The following SV2C variants were observed in gnomAD, a reference collection of about 807,000 sequenced individuals.
SV2C encodes synaptic vesicle glycoprotein 2C.
A neutral mutation model predicts 79.7 loss-of-function variants in SV2C; 49 were observed. The observed-to-expected ratio is 0.61, with a 90% confidence interval of 0.49 to 0.78. The LOEUF (loss-of-function observed/expected upper bound fraction) is 0.78. Among genes scored for constraint, SV2C ranks in the 30% least tolerant of loss-of-function variants. The probability of loss-of-function intolerance (pLI) is 0.00; values close to 1 mark genes in which losing one functional copy is unlikely to be tolerated. For synonymous variants in SV2C, 334 were observed against 333.2 expected, an observed-to-expected ratio of 1.00 and a Z score of -0.03; for missense variants, 833 against 912.9, an observed-to-expected ratio of 0.91 and a Z score of 1.13.
intron 2 of SV2C, among the ~76,000 whole-genome samples, chr5:76,183,842 T>C (rs1326981238): frequency 6.6e-6 from 1 of 152,238 alleles, no homozygotes; most frequent in East Asian, 1.9e-4. Flanking sequence ...TCATTCATTA[T>C]TCAAAACCCA....
chr5:75,958,058 G>A, the SV2C span, among the ~76,000 whole-genome samples: 1 of 151,962 alleles, frequency 6.6e-6, no homozygotes, highest in Admixed American at 6.6e-5. Flanking sequence ...AGCCCGTGGT[G>A]CTACAGGTAA....
In SV2C at chr5:76,291,845, C is replaced by G. The variant is rs760733960; in HGVS notation, c.1326C>G (p.Thr442=). ...NTIKLTIVWF[T]LSFGYYGLSV... Reference sequence around the variant, plus strand: ...TAAAGCTTACAATTGTTTGGTTCACCCTGTCCTTTGGGTAAGTGATATTTA... The same window carrying G: ...TAAAGCTTACAATTGTTTGGTTCACGCTGTCCTTTGGGTAAGTGATATTTA... Residue 442 remains threonine (T), a synonymous_variant, in exon 8 of 13, where the codon ACC becomes ACG. Transcript: ENST00000502798. 2 of 1,607,206 alleles carry G rather than the reference C, an allele frequency of 1.2e-6. No individual in the cohort carries two copies. Among genetic ancestry groups the G allele is most frequent in the Non-Finnish European group, 1.7e-6 (2 of 1,175,820 alleles).
chr5:75,952,464 C>A, the SV2C span, among the ~76,000 whole-genome samples: 3 of 151,796 alleles, frequency 2.0e-5, no homozygotes, highest in Non-Finnish European at 2.9e-5. Flanking sequence ...CCCTCCAAAT[C>A]TCAGGTTGAA....
intron 1 of SV2C, among the ~76,000 whole-genome samples, chr5:76,121,781 A>G (rs922988216): frequency 1.3e-5 from 2 of 151,686 alleles, no homozygotes; most frequent in Non-Finnish European, 1.5e-5. Context: ...GCCTTGTAGT[A>G]TAGTTTGAAG....
the SV2C span, among the ~76,000 whole-genome samples, chr5:75,906,144 C>A: frequency 6.6e-6 from 1 of 151,984 alleles, no homozygotes; most frequent in Admixed American, 6.6e-5. Flanking sequence ...ATGACAGTAA[C>A]AAGCCTCAGT....
chr5:76,168,888 T>C (rs116656806), intron 2 of SV2C, among the ~76,000 whole-genome samples: 2 of 152,322 alleles, frequency 1.3e-5, no homozygotes, highest in Non-Finnish European at 2.9e-5. Context: ...CTGTAGACAC[T>C]ATTGCTTACT....
intron 2 of SV2C, among the ~76,000 whole-genome samples, chr5:76,182,766 G>A (rs1279949295): frequency 6.6e-6 from 1 of 152,100 alleles, no homozygotes; most frequent in Non-Finnish European, 1.5e-5. Context: ...CCTGAGACTG[G>A]GTAATTTATA....
the SV2C span, among the ~76,000 whole-genome samples, chr5:75,984,567 A>ATCTGTC: frequency 8.6e-4 from 89 of 102,914 alleles, 1 homozygote; most frequent in Admixed American, 3.3e-3. Flanking sequence ...CTATCTATCT[A>ATCTGTC]TATCTATCTA....
chr5:75,877,280 C>T, the SV2C span, among the ~76,000 whole-genome samples: 7 of 151,736 alleles, frequency 4.6e-5, no homozygotes, highest in South Asian at 2.1e-4. Context: ...AAATAGAGCA[C>T]GAAAATATAT....
the SV2C span, among the ~76,000 whole-genome samples, chr5:75,901,204 A>G: frequency 2.1e-4 from 32 of 151,790 alleles, no homozygotes; most frequent in African/African-American, 7.8e-4. Context: ...TTTTTTCCCC[A>G]TCTTTGTGGT....
chr5:76,223,438 T>C (rs1194067294), intron 4 of SV2C, among the ~76,000 whole-genome samples: 1 of 63,878 alleles, frequency 1.6e-5, no homozygotes, highest in African/African-American at 6.5e-5. Context: ...TTTATATACA[T>C]ACATACATAT....
At chr5:76,071,613 C>T in the SV2C span, among the ~76,000 whole-genome samples, 1 of 152,170 alleles carries the variant, frequency 6.6e-6, no homozygotes, top group Non-Finnish European at 1.5e-5. Context: ...TCTCAAAAAG[C>T]CATTTGTGAC....
chr5:76,014,178 AAGAAAGAAAGAAGGAAAG>A, the SV2C span, among the ~76,000 whole-genome samples: 12 of 151,368 alleles, frequency 7.9e-5, no homozygotes, highest in Admixed American at 2.0e-4. Flanking sequence ...GGAAGAAAGA[AAGAAAGAAAGAAGGAAAG>A]AGAAAGAAAG....
At chr5:75,984,210 G>C in the SV2C span, among the ~76,000 whole-genome samples, 1 of 152,272 alleles carries the variant, frequency 6.6e-6, no homozygotes, top group East Asian at 1.9e-4. Context: ...GGTTGTGGAG[G>C]TAGAATTAGG....
chr5:76,131,532 G>T, intron 1 of SV2C, 118 bp from the exon 2 acceptor site: 1 of 318,240 alleles, frequency 3.1e-6, no homozygotes. Context: ...AAAAAAAAAG[G>T]AAAAACTAAT....
At chr5:76,230,803 G>T (rs534037621) in intron 4 of SV2C, among the ~76,000 whole-genome samples, 3 of 122,218 alleles carry the variant, frequency 2.5e-5, no homozygotes, top group African/African-American at 1.9e-4. Context: ...GAAAAAAAAA[G>T]AAAAGAAAAG....
At chr5:76,013,986 C>T in the SV2C span, among the ~76,000 whole-genome samples, 1 of 151,978 alleles carries the variant, frequency 6.6e-6, no homozygotes, top group East Asian at 1.9e-4. Context: ...GTTATAGAGG[C>T]TTAGATTGTG....
At chr5:76,125,027 A>C (rs1289208556) in intron 1 of SV2C, among the ~76,000 whole-genome samples, 1 of 152,200 alleles carries the variant, frequency 6.6e-6, no homozygotes, top group Non-Finnish European at 1.5e-5. Flanking sequence ...GATTTCACTA[A>C]TCTGGGGTTT....
At chr5:76,085,790 T>C (rs960157937) in intron 1 of SV2C, among the ~76,000 whole-genome samples, 7 of 148,016 alleles carry the variant, frequency 4.7e-5, no homozygotes, top group African/African-American at 1.8e-4. Flanking sequence ...AAATACAAAT[T>C]TTCCATGAAT....
Sources: allele counts gnomAD v4.1 joint callset (sites outside exome capture counted in the v4.1 genomes callset), GRCh38; gene constraint gnomAD v4.1.1; transcripts MANE v1.5; gene names NCBI Gene and HGNC (gene_info 2026-07-23, HGNC 2026-07-21).